The following ITPKC variants were observed in gnomAD, a reference collection of about 807,000 sequenced individuals.
The protein encoded by ITPKC is inositol-trisphosphate 3-kinase C.
ITPKC carries 33 observed loss-of-function variants against 67.1 expected under a neutral mutation model. That is an observed-to-expected ratio of 0.49 (90% CI 0.37 to 0.66). The LOEUF is 0.66. Among genes scored for constraint, ITPKC ranks in the 30% least tolerant of loss-of-function variants. The pLI is 0.00. For synonymous variants in ITPKC, 341 were observed against 359.8 expected, an observed-to-expected ratio of 0.95 and a Z score of 0.59; for missense variants, 820 against 892.1, an observed-to-expected ratio of 0.92 and a Z score of 1.03.
chr19:40,729,564 C>T, intron 3 of ITPKC, 149 bp downstream of exon 3: 1 of 682,804 alleles, frequency 1.5e-6, no homozygotes, highest in Non-Finnish European at 2.5e-6. Context: ...TTGGGAGTTC[C>T]AAACCAGCCT....
chr19:40,722,411 C>T (rs975286202), intron 1 of ITPKC, among the ~76,000 whole-genome samples: 2 of 152,166 alleles, frequency 1.3e-5, no homozygotes, highest in African/African-American at 4.8e-5. Context: ...TATTAATCAT[C>T]TCTTCCCCAG....
At position 40,740,703 on chromosome 19, in the gene ITPKC, GC is replaced by G; in HGVS notation, c.*1144del. 2.9e-6 allele frequency: 1 copy of G among 350,102 alleles called. No individual in the cohort carries two copies. The highest frequency in any genetic ancestry group is 5.1e-6 in the Non-Finnish European group (1 of 194,736). 21.7% of individuals were successfully genotyped at this position (350,102 alleles called of 1,614,324 possible). On this transcript the variant is annotated 3_prime_UTR_variant, in exon 7 of 7. Transcript: ENST00000263370. ...TGAAGCTCCCACACTGTCTTCCAGG[GC>G]TGAGGAGATGCTCTCCTTTTCTACT...
Position 40,717,552 on chromosome 19 carries a change from G to A in ITPKC, c.417G>A (p.Glu139=). The A allele has an allele frequency of 2.5e-6, 4 of 1,614,186 alleles. No individual in the cohort carries two copies. Among genetic ancestry groups the A allele is most frequent in the Non-Finnish European group, 3.4e-6 (4 of 1,180,028 alleles). The change falls in exon 1 of 7, where the codon GAG becomes GAA. Residue 139 remains glutamate (E), a synonymous_variant. Transcript: ENST00000263370. ...SELETTCLWT[E]TGTDGLWTDP... is the part of the protein sequence containing the mutation. ...TGGAGACGACTTGTCTTTGGACGGA[G>A]ACCGGGACAGATGGCCTTTGGACTG... is the stretch of plus-strand genomic sequence containing the variant.
intron 1 of ITPKC, 32 bp downstream of exon 1, chr19:40,718,322 A>C (rs1347614282): frequency 1.3e-6 from 2 of 1,492,108 alleles, no homozygotes; most frequent in Non-Finnish European, 1.8e-6. Context: ...CTTGAGCCAC[A>C]TCACGCAAAA....
At chr19:40,739,274 A>C (rs1252500271) in intron 6 of ITPKC, 83 bp from the exon 7 acceptor site, 1 of 1,004,316 alleles carries the variant, frequency 1.0e-6, no homozygotes, top group Non-Finnish European at 1.5e-6. Context: ...TCATGCTGTC[A>C]ATCACCCTGC....
rs1228211408 is a variant in ITPKC at position 40,733,170 on chromosome 19, G to A, written c.1480G>A (p.Glu494Lys). The part of the protein sequence containing the change: ...DCKMGSRTYL[E>K]EELVKARERP... The stretch of plus-strand genomic sequence containing the variant: ...CCTCTGTGTGCTCAGGACCTATCTG[G>A]AAGAGGAGCTAGTGAAGGCACGGGA... Residue 494 changes from glutamate to lysine, a missense_variant, in exon 4 of 7, where the codon GAA becomes AAA. Glu to Lys is a moderately conservative substitution (Grantham distance 56). Transcript: ENST00000263370. 1 of 1,614,162 alleles carries A rather than the reference G, an allele frequency of 6.2e-7. No homozygotes were observed.
chr19:40,733,078 G>A, intron 3 of ITPKC, 82 bp from the exon 4 acceptor site: 1 of 1,214,362 alleles, frequency 8.2e-7, no homozygotes, highest in Admixed American at 1.8e-5. Flanking sequence ...CCACACTGTG[G>A]CTTTATGTCT....
Position 40,718,095 on chromosome 19 carries a change from G to C in ITPKC, c.960G>C (p.Lys320Asn). 1 of 1,613,758 alleles carries C rather than the reference G, an allele frequency of 6.2e-7. No individual in the cohort carries two copies. Among genetic ancestry groups the C allele is most frequent in the Non-Finnish European group, 8.5e-7 (1 of 1,180,022 alleles). The change falls in exon 1 of 7, where the codon AAG becomes AAC. Residue 320 changes from lysine (K) to asparagine (N), a missense_variant. Coordinates refer to ENST00000263370, the MANE Select transcript of ITPKC (RefSeq NM_025194.3). ...ELLTHLYSHL[K>N]CSPLCPVPRL... ...TGACTCACCTGTACTCTCACCTGAA[G>C]TGTAGCCCCCTGTGCCCTGTGCCCC... is the stretch of plus-strand genomic sequence containing the variant.
rs547215539 is a variant in ITPKC at position 40,725,446 on chromosome 19, G to A, written c.1255+7G>A. ...CAGCTTTCTGGACATGCTGGTAAGT[G>A]GGGTGGTGGTGGACAGAGCTGGGCA... On this transcript the variant is annotated splice_region_variant and intron_variant, in intron 2 of 6. Transcript: ENST00000263370. 8.8e-6 allele frequency: 14 copies of A among 1,586,386 alleles called. No individual in the cohort carries two copies. In the East Asian group the frequency reaches 2.9e-4, roughly 33 times the overall value.
In ITPKC at chr19:40,736,983, C is replaced by T. The variant is rs1355354355; in HGVS notation, c.1675-3C>T. On this transcript the variant is annotated splice_region_variant and splice_polypyrimidine_tract_variant and intron_variant, in intron 4 of 6. Coordinates refer to ENST00000263370, the MANE Select transcript of ITPKC (RefSeq NM_025194.3). ...CCCTGCCCCTCCACACCCTGCCCTA[C>T]AGAAGGCAGATGGGACCTGTAACAC... The T allele has an allele frequency of 4.4e-6, 7 of 1,575,850 alleles. No individual in the cohort carries two copies. The highest frequency in any genetic ancestry group is 6.0e-6 in the Non-Finnish European group (7 of 1,157,352).
rs1026902298 is a variant in ITPKC at position 40,718,073 on chromosome 19, C to G, written c.938C>G (p.Thr313Ser). ...LEEPEPGELL[T>S]HLYSHLKCSP... ...GAACCAGAGCCTGGAGAATTGCTGA[C>G]TCACCTGTACTCTCACCTGAAGTGT... Residue 313 changes from threonine to serine, a missense_variant, in exon 1 of 7, where the codon ACT becomes AGT. Thr to Ser is a moderately conservative substitution (Grantham distance 58). Transcript: ENST00000263370. 1.2e-6 allele frequency: 2 copies of G among 1,614,076 alleles called. No individual in the cohort carries two copies. Among genetic ancestry groups the G allele is most frequent in the South Asian group, 1.1e-5 (1 of 91,078 alleles).
rs1376496891 is a variant in ITPKC, at chr19:40,717,492, C to T, written c.357C>T (p.Ser119=). The change falls in exon 1 of 7, where the codon AGC becomes AGT. Residue 119 remains serine (S), a synonymous_variant. Transcript: ENST00000263370. The part of the protein sequence containing the change: ...PKQKTEPDRS[S]LRTHLEWSWS... ...AAAAGACGGAGCCAGACAGGTCCAG[C>T]CTCCGGACGCATCTAGAATGGAGCT... is the stretch of plus-strand genomic sequence containing the variant. 3.7e-6 allele frequency: 6 copies of T among 1,614,004 alleles called. No homozygotes were observed. The highest frequency in any genetic ancestry group is 5.1e-6 in the Non-Finnish European group (6 of 1,180,014).
intron 1 of ITPKC, among the ~76,000 whole-genome samples, chr19:40,724,714 T>G (rs1448232860): frequency 6.6e-6 from 1 of 152,138 alleles, no homozygotes; most frequent in African/African-American, 2.4e-5. Context: ...TTTGGGAGAC[T>G]GAGGCAGGTG....
intron 2 of ITPKC, among the ~76,000 whole-genome samples, chr19:40,728,296 G>C (rs2082255504): frequency 6.6e-6 from 1 of 151,830 alleles, no homozygotes; most frequent in Non-Finnish European, 1.5e-5. Flanking sequence ...GAGGTGGGAG[G>C]ATCACCTGAA....
rs186102180 is a variant in ITPKC, at chr19:40,739,446, C to G, written c.1938C>G (p.Pro646=). The G allele has an allele frequency of 6.2e-7, 1 of 1,613,498 alleles. No individual in the cohort carries two copies. The highest frequency in any genetic ancestry group is 8.5e-7 in the Non-Finnish European group (1 of 1,179,972). ...MIDFGKTVAL[P]DHQTLSHRLP... ...ACTTCGGCAAGACGGTGGCCTTGCC[C>G]GACCACCAGACGCTCAGCCACAGGC... Residue 646 remains proline (P), a synonymous_variant, in exon 7 of 7, where the codon CCC becomes CCG. Transcript: ENST00000263370.
intron 1 of ITPKC, among the ~76,000 whole-genome samples, chr19:40,722,803 G>T (rs1599648473): frequency 6.6e-6 from 1 of 151,926 alleles, no homozygotes; most frequent in East Asian, 1.9e-4. Context: ...TTGAGTCAGG[G>T]TCTCACTGGG....
intron 4 of ITPKC, among the ~76,000 whole-genome samples, chr19:40,736,586 C>T (rs1379039694): frequency 1.3e-5 from 2 of 152,240 alleles, no homozygotes; most frequent in South Asian, 2.1e-4. Flanking sequence ...TCACTGCAAC[C>T]TCTGCCTCCC....
At chr19:40,726,348 A>G (rs2082246635) in intron 2 of ITPKC, among the ~76,000 whole-genome samples, 1 of 152,256 alleles carries the variant, frequency 6.6e-6, no homozygotes, top group South Asian at 2.1e-4. Context: ...TAGCAGCTGT[A>G]ACATTTTGCC....
intron 3 of ITPKC, 36 bp downstream of exon 3, chr19:40,729,451 G>A: frequency 6.4e-7 from 1 of 1,560,184 alleles, no homozygotes; most frequent in South Asian, 1.1e-5. Flanking sequence ...GGGATGGAGG[G>A]CAGGGGGTGG....
Sources: allele counts gnomAD v4.1 joint callset (sites outside exome capture counted in the v4.1 genomes callset), GRCh38; gene constraint gnomAD v4.1.1; transcripts MANE v1.5; gene names NCBI Gene and HGNC (gene_info 2026-07-23, HGNC 2026-07-21).